Variants in HOXA3 observed in about 807,000 individuals in gnomAD.
HOXA3 encodes the protein homeobox A3, also known as homeobox protein Hox-A3.
A neutral mutation model predicts 30.3 loss-of-function variants in HOXA3; 8 were observed. That is an observed-to-expected ratio of 0.26 (90% CI 0.15 to 0.48). The LOEUF is 0.48. Among genes scored for constraint, HOXA3 ranks in the 20% least tolerant of loss-of-function variants. The pLI is 0.99. For missense variants in HOXA3, 653 were observed against 614.4 expected (o/e 1.06, Z -0.66); for synonymous variants, 323 against 273.1 (o/e 1.18, Z -1.80).
At chr7:27,138,301 C>G (rs1785774977) in intron 2 of HOXA3, among the ~76,000 whole-genome samples, 1 of 152,190 alleles carries the variant, frequency 6.6e-6, no homozygotes, top group African/African-American at 2.4e-5. Flanking sequence ...AAAAAACTTT[C>G]TAGGTTTTGC....
chr7:27,130,683 G>A, intron 2 of HOXA3: 1 of 1,608,654 alleles, frequency 6.2e-7, no homozygotes, highest in Non-Finnish European at 8.5e-7. Flanking sequence ...CGAAGGGAGG[G>A]AACTTGGGCT....
At chr7:27,133,227 T>C (rs1340699531) in intron 2 of HOXA3, among the ~76,000 whole-genome samples, 2 of 152,230 alleles carry the variant, frequency 1.3e-5, no homozygotes, top group East Asian at 1.9e-4. Flanking sequence ...CTCAGTACCT[T>C]TTCTGAACCT....
chr7:27,151,013 T>C (rs1360935869), intron 1 of HOXA3: 1 of 152,260 alleles, frequency 6.6e-6, no homozygotes, highest in African/African-American at 2.4e-5. Context: ...TCGCAATAAA[T>C]AATCGGCCCG....
intron 4 of HOXA3, among the ~76,000 whole-genome samples, chr7:27,118,209 C>T (rs983441255): frequency 2.6e-5 from 4 of 152,160 alleles, no homozygotes; most frequent in Admixed American, 6.5e-5. Context: ...CGCCCAGAAC[C>T]GCTCCATGAG....
At chr7:27,143,309 G>A (rs748367476) in intron 1 of HOXA3, 2 of 1,600,136 alleles carry the variant, frequency 1.2e-6, no homozygotes, top group South Asian at 1.1e-5. Context: ...GCAGGGCAGC[G>A]GATCGGGCTG....
chr7:27,142,246 T>TA (rs779927009), intron 1 of HOXA3, among the ~76,000 whole-genome samples: 3 of 152,208 alleles, frequency 2.0e-5, no homozygotes, highest in Non-Finnish European at 4.4e-5. Flanking sequence ...TCTTCCTTTC[T>TA]AGAAAGAAAA....
At position 27,110,464 on chromosome 7, in the gene HOXA3, C is replaced by G. The variant is rs1292776567; in HGVS notation, c.177G>C (p.Gly59=). ...ACSLQSPSSA[G]GHPKAHELSE... ...TCAGTTCGTGTGCCTTGGGGTGGCC[C>G]CCGGCGCTGGAGGGAGACTGGAGGG... Residue 59 remains glycine (G), a synonymous_variant, in exon 5 of 6, where the codon GGG becomes GGC. Transcript: ENST00000612286. The G allele has an allele frequency of 6.3e-7, 1 of 1,594,428 alleles. No homozygotes were observed.
intron 4 of HOXA3, among the ~76,000 whole-genome samples, chr7:27,118,052 G>A (rs1784816270): frequency 6.6e-6 from 1 of 152,208 alleles, no homozygotes; most frequent in Non-Finnish European, 1.5e-5. Flanking sequence ...GAAGAGAGAG[G>A]CTGAGGGTCC....
In HOXA3 at chr7:27,152,564, G is replaced by A. The variant is rs1397267732; in HGVS notation, c.-770C>T. On this transcript the variant is annotated 5_prime_UTR_variant, in exon 1 of 6. Transcript: ENST00000612286. ...GGCAGAGCTCCGAAGCAGGCAGGAC[G>A]GAGCGGAGCAAAAGAATGCGGCTCT... 9 of 1,189,672 alleles carry A rather than the reference G, an allele frequency of 7.6e-6. No individual in the cohort carries two copies. Among genetic ancestry groups the A allele is most frequent in the Non-Finnish European group, 9.5e-6 (9 of 942,984 alleles). The allele number at this position is 1,189,672 out of a possible 1,614,324, so 73.7% of individuals were successfully genotyped here.
chr7:27,141,687 A>T, intron 1 of HOXA3: 1 of 969,384 alleles, frequency 1.0e-6, no homozygotes, highest in East Asian at 2.5e-5. Context: ...TAATGGCAAT[A>T]AACAGGCTCA....
Position 27,113,299 on chromosome 7 carries a change from C to T in HOXA3, c.-120-2539G>A, listed in dbSNP as rs1384086164. On this transcript the variant is annotated intron_variant, in intron 4 of 5. Transcript: ENST00000612286. The surrounding 1 kb of genome is among the most constrained non-coding windows in gnomAD (Gnocchi z 4.8). ...AACCTCCGTCCTTCAGACATCGCTC[C>T]CTCTTCCCATTCCCTCCTCTTTCTT... 6.6e-6 allele frequency among the ~76,000 whole-genome samples: 1 copy of T among 152,180 alleles called. No individual in the cohort carries two copies. The highest frequency in any genetic ancestry group is 2.4e-5 in the African/African-American group (1 of 41,442).
chr7:27,145,223 T>C (rs7341470), intron 1 of HOXA3, among the ~76,000 whole-genome samples: 121,102 of 152,164 alleles, frequency 0.8, 49,117 homozygotes, highest in Non-Finnish European at 0.88. Flanking sequence ...GGCGAGGGAC[T>C]TAGGCAGAGA....
chr7:27,136,019 T>TA (rs1451602675), intron 2 of HOXA3, among the ~76,000 whole-genome samples: 2 of 152,236 alleles, frequency 1.3e-5, no homozygotes, highest in African/African-American at 2.4e-5. Context: ...CATACCGTGA[T>TA]ACACGCGTCA....
At chr7:27,147,312 G>A in intron 1 of HOXA3, 2 of 1,612,880 alleles carry the variant, frequency 1.2e-6, no homozygotes, top group Non-Finnish European at 1.7e-6. Context: ...TCTTACCCGC[G>A]CAGGAGTTCA....
In HOXA3 at chr7:27,108,654, T is replaced by C; in HGVS notation, c.593A>G (p.Tyr198Cys). Residue 198 changes from tyrosine (Y) to cysteine (C), a missense_variant, in exon 6 of 6, where the codon TAC (tyrosine) becomes TGC (cysteine). By Grantham distance (194) the Tyr-to-Cys change is radical (BLOSUM62 -2). Coordinates refer to ENST00000612286, the MANE Select transcript of HOXA3 (RefSeq NM_153631.3). This position sits in a 1 kb window ranked among gnomAD's most constrained non-coding sequence, Gnocchi z 5.0. The part of the protein sequence containing the change: ...QASSKRARTA[Y>C]TSAQLVELEK... ...CAGCTCCACCAGCTGCGCGCTCGTGTAGGCCGTGCGCGCGCGCTTGGACGA... is the reference window on the plus strand; with the variant it reads ...CAGCTCCACCAGCTGCGCGCTCGTGCAGGCCGTGCGCGCGCGCTTGGACGA... 6.2e-7 allele frequency: 1 copy of C among 1,613,920 alleles called. No individual in the cohort carries two copies. The highest frequency in any genetic ancestry group is 8.5e-7 in the Non-Finnish European group (1 of 1,179,882).
At chr7:27,143,179 A>T (rs750919367) in intron 1 of HOXA3, 49 of 1,610,952 alleles carry the variant, frequency 3.0e-5, no homozygotes, top group Admixed American at 1.0e-4. Context: ...ACGCCGTGCC[A>T]ACCCCCTCTC....
At chr7:27,138,907 A>T (rs987114177) in intron 2 of HOXA3, among the ~76,000 whole-genome samples, 1 of 152,126 alleles carries the variant, frequency 6.6e-6, no homozygotes. Context: ...AAACAACCTA[A>T]TGGCTCTGGG....
intron 2 of HOXA3, among the ~76,000 whole-genome samples, chr7:27,133,586 T>C (rs1351999376): frequency 1.3e-5 from 2 of 152,204 alleles, no homozygotes; most frequent in Non-Finnish European, 2.9e-5. Flanking sequence ...ACAAAAGCTT[T>C]CTTAAAATCC....
At chr7:27,151,698 C>T (rs1036966772) in intron 1 of HOXA3, 3 of 456,454 alleles carry the variant, frequency 6.6e-6, no homozygotes, top group South Asian at 1.5e-5. Flanking sequence ...TTTTCTGTTT[C>T]CCCCTTCTAC....
Sources: allele counts gnomAD v4.1 joint callset (sites outside exome capture counted in the v4.1 genomes callset), GRCh38; gene constraint gnomAD v4.1.1; non-coding constraint Gnocchi (gnomAD v3.1); transcripts MANE v1.5; gene names NCBI Gene and HGNC (gene_info 2026-07-23, HGNC 2026-07-21).